Variants in ANXA1 observed in about 807,000 individuals in gnomAD.
The protein encoded by ANXA1 is annexin I (lipocortin I).
In ANXA1, 39 loss-of-function variants were observed where a neutral mutation model predicts 47.9. The ratio of observed to expected loss-of-function variants is 0.81; its 90% CI spans 0.63 to 1.06. ANXA1 has a LOEUF of 1.06. ANXA1 is among the 50% of genes least tolerant of loss of function. ANXA1 has a pLI of 0.00. For synonymous variants in ANXA1, 146 were observed against 142.5 expected (o/e 1.02, Z -0.17); for missense variants, 446 against 422.7 (o/e 1.06, Z -0.48).
intron 9 of ANXA1, 151 bp downstream of exon 9, chr9:73,165,360 A>G (rs1426513954): frequency 3.5e-6 from 2 of 566,158 alleles, no homozygotes; most frequent in South Asian, 2.3e-5. Context: ...GTTATTTGTC[A>G]ATTTGTCCAA....
chr9:73,163,337 G>T (rs749078743), intron 7 of ANXA1, 139 bp from the exon 8 acceptor site: 1 of 766,998 alleles, frequency 1.3e-6, no homozygotes, highest in Non-Finnish European at 2.0e-6. Context: ...GTAAAATCTT[G>T]TATCTGAGCT....
Position 73,158,593 on chromosome 9 carries a change from G to A in ANXA1, c.58G>A (p.Glu20Lys), listed in dbSNP as rs1824086488. ...QAWFIENEEQ[E>K]YVQTVKSSKG... ...CTGGTTTATTGAAAATGAAGAGCAG[G>A]AATATGTTGTAAGTAGAGTGATAAT... The change falls in exon 2 of 13, where the codon GAA (glutamate) becomes AAA (lysine). Residue 20 changes from glutamate to lysine, a missense_variant. Physicochemically the swap from Glu to Lys is moderately conservative, Grantham distance 56. Transcript: ENST00000257497. 6.2e-7 allele frequency: 1 copy of A among 1,613,506 alleles called. No homozygotes were observed. Among genetic ancestry groups the A allele is most frequent in the African/African-American group, 1.3e-5 (1 of 74,998 alleles).
In ANXA1 at chr9:73,154,991, A is replaced by T. The variant is rs540325914; in HGVS notation, c.-15+3067A>T. 3.9e-5 allele frequency among the ~76,000 whole-genome samples: 6 copies of T among 152,312 alleles called. No homozygotes were observed. The South Asian group carries it at 1.2e-3, about 32-fold the overall frequency. On this transcript the variant is annotated intron_variant, in intron 1 of 12. Coordinates refer to ENST00000257497, the MANE Select transcript of ANXA1 (RefSeq NM_000700.3). ...CAGCTTCCTCTGTCACAAATTCTAG[A>T]TAGAGGTAGCCTTTCATGAGGCTGA...
In ANXA1 at chr9:73,169,077, C is replaced by T; in HGVS notation, c.907C>T (p.Arg303Cys). Residue 303 changes from arginine (R) to cysteine (C), a missense_variant, in exon 12 of 13, where the codon CGT becomes TGT. Physicochemically the swap from Arg to Cys is radical, Grantham distance 180. Coordinates refer to ENST00000257497, the MANE Select transcript of ANXA1 (RefSeq NM_000700.3). ...HKALIRIMVS[R>C]SEIDMNDIKA... The stretch of plus-strand genomic sequence containing the variant: ...GGCATTGATCAGGATTATGGTTTCC[C>T]GTTCTGAAATTGACATGAATGATAT... 3.1e-6 allele frequency: 5 copies of T among 1,613,354 alleles called. No homozygotes were observed. Among genetic ancestry groups the T allele is most frequent in the South Asian group, 2.2e-5 (2 of 91,036 alleles).
At chr9:73,156,068 C>T (rs1824040845) in intron 1 of ANXA1, among the ~76,000 whole-genome samples, 1 of 145,290 alleles carries the variant, frequency 6.9e-6, no homozygotes, top group South Asian at 2.1e-4. Flanking sequence ...CTTTTGCTTT[C>T]TTTTGAAGTT....
chr9:73,168,522 C>T (rs1477701100), intron 11 of ANXA1: 1 of 152,352 alleles, frequency 6.6e-6, no homozygotes, highest in African/African-American at 2.4e-5. Context: ...GTAACCCACA[C>T]ACAGGCTTGA....
intron 6 of ANXA1, among the ~76,000 whole-genome samples, chr9:73,161,617 C>G (rs373836665): frequency 1.5e-4 from 23 of 152,022 alleles, no homozygotes; most frequent in African/African-American, 5.6e-4. Context: ...CTGCTTGATT[C>G]TCATACCAAG....
chr9:73,164,188 A>G (rs1824189683), intron 8 of ANXA1, among the ~76,000 whole-genome samples: 1 of 152,144 alleles, frequency 6.6e-6, no homozygotes, highest in Non-Finnish European at 1.5e-5. Flanking sequence ...AATTCATTAC[A>G]GTGCTTCACT....
At chr9:73,159,488 A>G (rs1824103192) in intron 4 of ANXA1, 65 bp downstream of exon 4, 4 of 1,390,878 alleles carry the variant, frequency 2.9e-6, no homozygotes, top group Non-Finnish European at 4.1e-6. Flanking sequence ...ATGGATTCGG[A>G]AGCACAGTTA....
chr9:73,163,937 C>A (rs924887663), intron 8 of ANXA1, among the ~76,000 whole-genome samples: 18 of 152,128 alleles, frequency 1.2e-4, no homozygotes, highest in Admixed American at 5.9e-4. Flanking sequence ...TTATAGATGT[C>A]AATTTATATT....
At position 73,165,335 on chromosome 9, in the gene ANXA1, T is replaced by C. The variant is rs11143511; in HGVS notation, c.706+126T>C. 5.4e-3 allele frequency: 3,513 copies of C among 655,166 alleles called. 93 individuals are homozygous for C. In the African/African-American group the frequency reaches 0.056, roughly 10 times the overall value. The allele number at this position is 655,166 out of a possible 1,614,324, so 40.6% of individuals were successfully genotyped here. ...TCACTCCTGTATCAAACAGATACAG[T>C]GTTCCTGACCCATTGTTATTTGTCA... On this transcript the variant is annotated intron_variant, in intron 9 of 12. Coordinates refer to ENST00000257497, the MANE Select transcript of ANXA1 (RefSeq NM_000700.3).
Position 73,160,341 on chromosome 9 carries a change from C to T in ANXA1, c.349C>T (p.Gln117Ter). The T allele has an allele frequency of 1.3e-6, 2 of 1,585,806 alleles. No individual in the cohort carries two copies. The highest frequency in any genetic ancestry group is 1.7e-6 in the Non-Finnish European group (2 of 1,171,378). ...TTTAGCTCTGCTAAAAACTCCAGCG[C>T]AATTTGATGCTGATGAACTTCGTGC... ...VVLALLKTPA[Q>*]FDADELRAAM... Residue 117 changes from glutamine (Q) to a stop codon, truncating the protein, a stop_gained, in exon 5 of 13, where the codon CAA (glutamine) becomes TAA (stop). Transcript: ENST00000257497. LOFTEE classifies it high-confidence loss of function.
chr9:73,152,377 T>C (rs945156361), intron 1 of ANXA1, among the ~76,000 whole-genome samples: 1 of 152,204 alleles, frequency 6.6e-6, no homozygotes, highest in African/African-American at 2.4e-5. Context: ...TGTTTCAAAA[T>C]AGTAGGACTT....
chr9:73,157,184 C>T (rs1824061069), intron 1 of ANXA1, among the ~76,000 whole-genome samples: 1 of 151,686 alleles, frequency 6.6e-6, no homozygotes, highest in Non-Finnish European at 1.5e-5. Context: ...TTAGACAGCT[C>T]AAATAGGAAG....
intron 4 of ANXA1, 68 bp from the exon 5 acceptor site, chr9:73,160,195 T>C (rs2118150175): frequency 1.8e-6 from 2 of 1,111,870 alleles, no homozygotes; most frequent in East Asian, 5.2e-5. Flanking sequence ...TAAAGTCAGG[T>C]AATATCACAT....
rs1016277429 is a variant in ANXA1, at chr9:73,156,642, C to G, written c.-14-1880C>G. 3.2e-4 allele frequency among the ~76,000 whole-genome samples: 49 copies of G among 152,120 alleles called. 1 individual carries two copies. Among genetic ancestry groups the G allele is most frequent in the African/African-American group, 8.9e-4 (37 of 41,422 alleles). On this transcript the variant is annotated intron_variant, in intron 1 of 12. Coordinates refer to ENST00000257497, the MANE Select transcript of ANXA1 (RefSeq NM_000700.3). ...GCATTCAGTGTTATTACTTGCAACT[C>G]CAGTTACTTTTTAGCAGGTGAAAAT...
intron 10 of ANXA1, 50 bp downstream of exon 10, chr9:73,166,242 C>A: frequency 3.0e-6 from 4 of 1,349,272 alleles, no homozygotes; most frequent in South Asian, 1.2e-5. Flanking sequence ...ATTGTATTTT[C>A]AAAGCTATCC....
Position 73,167,477 on chromosome 9 carries a change from A to G in ANXA1, c.803-20A>G, listed in dbSNP as rs369473616. The G allele has an allele frequency of 1.2e-6, 2 of 1,606,878 alleles. No homozygotes were observed. ...TTTTTTCATGGTAAATACATCAACT[A>G]AAATTTTCTTCTCTAACAGTGAAGT... On this transcript the variant is annotated intron_variant, in intron 10 of 12. Transcript: ENST00000257497.
In ANXA1 at chr9:73,160,270, A is replaced by T. The variant is rs753709791; in HGVS notation, c.278A>T (p.Asp93Val). ...TAATCTTTTTTTTTGTAGCCCCTGG[A>T]TGAAACACTGAAGAAAGCCCTTACA... ...AYLQETGKPL[D>V]ETLKKALTGH... Residue 93 changes from aspartate to valine, a missense_variant, in exon 5 of 13, where the codon GAT (aspartate) becomes GTT (valine). Transcript: ENST00000257497. 2 of 1,557,052 alleles carry T rather than the reference A, an allele frequency of 1.3e-6. No homozygotes were observed. The highest frequency in any genetic ancestry group is 2.8e-5 in the African/African-American group (2 of 70,424).
Sources: allele counts gnomAD v4.1 joint callset (sites outside exome capture counted in the v4.1 genomes callset), GRCh38; gene constraint gnomAD v4.1.1; transcripts MANE v1.5; gene names NCBI Gene and HGNC (gene_info 2026-07-23, HGNC 2026-07-21).